Variants in VSTM4 observed in about 807,000 individuals in gnomAD.
The protein encoded by VSTM4 is V-set and transmembrane domain-containing protein 4.
In VSTM4, 20 loss-of-function variants were observed where a neutral mutation model predicts 36.4. The ratio of observed to expected loss-of-function variants is 0.55; its 90% CI spans 0.39 to 0.80. VSTM4 has a LOEUF of 0.80. Among genes scored for constraint, VSTM4 ranks in the 30% least tolerant of loss-of-function variants. VSTM4 has a pLI of 0.00. For missense variants in VSTM4, 392 were observed against 404.5 expected, an observed-to-expected ratio of 0.97 and a Z score of 0.26; for synonymous variants, 182 against 173.9, an observed-to-expected ratio of 1.05 and a Z score of -0.37.
chr10:49,032,960 G>A (rs533143572), intron 7 of VSTM4, among the ~76,000 whole-genome samples: 67 of 149,388 alleles, frequency 4.5e-4, no homozygotes, highest in African/African-American at 1.6e-3. Context: ...TTTGGTGGGA[G>A]AATAAAATAG....
chr10:49,089,898 C>T (rs889446134), intron 2 of VSTM4, among the ~76,000 whole-genome samples: 2 of 152,244 alleles, frequency 1.3e-5, no homozygotes, highest in African/African-American at 2.4e-5. Context: ...GCCAGGCCAA[C>T]AGCAAGGGCT....
intron 6 of VSTM4, among the ~76,000 whole-genome samples, chr10:49,048,267 C>T (rs1843644162): frequency 6.6e-6 from 1 of 152,230 alleles, no homozygotes; most frequent in Non-Finnish European, 1.5e-5. Context: ...TCCAACTCCA[C>T]CCCCAACCCA....
At chr10:49,081,466 C>T (rs999830002) in intron 3 of VSTM4, among the ~76,000 whole-genome samples, 2 of 152,238 alleles carry the variant, frequency 1.3e-5, no homozygotes, top group African/African-American at 4.8e-5. Flanking sequence ...CGCTTCAGAA[C>T]AGCAGGAACC....
At chr10:49,051,713 T>C (rs1358554800) in intron 5 of VSTM4, among the ~76,000 whole-genome samples, 1 of 152,204 alleles carries the variant, frequency 6.6e-6, no homozygotes, top group Non-Finnish European at 1.5e-5. Flanking sequence ...TCATTTCTTT[T>C]GGGCACTGAG....
At chr10:49,031,996 T>C (rs1484812495) in intron 7 of VSTM4, among the ~76,000 whole-genome samples, 1 of 152,022 alleles carries the variant, frequency 6.6e-6, no homozygotes, top group Admixed American at 6.5e-5. Flanking sequence ...ATTCCCTCAC[T>C]CTCAGGTCTC....
Position 49,033,117 on chromosome 10 carries a change from C to T in VSTM4, c.838-13342G>A, listed in dbSNP as rs75216108. 5.6e-3 allele frequency among the ~76,000 whole-genome samples: 851 copies of T among 152,138 alleles called. 5 individuals carry two copies. Among genetic ancestry groups the T allele is most frequent in the Non-Finnish European group, 8.5e-3 (580 of 68,002 alleles). On this transcript the variant is annotated intron_variant, in intron 7 of 7. Transcript: ENST00000332853. ...GTGAAAGGATGTTTACCAAAGCATC[C>T]ATTCTAAGAGTGAAAAATTAGAACA...
intron 6 of VSTM4, among the ~76,000 whole-genome samples, chr10:49,047,703 A>G (rs1843634836): frequency 6.6e-6 from 1 of 151,972 alleles, no homozygotes; most frequent in Admixed American, 6.5e-5. Flanking sequence ...CTGCAGTACA[A>G]CCACACCCTC....
At chr10:49,020,672 T>G (rs919443926) in intron 7 of VSTM4, among the ~76,000 whole-genome samples, 21 of 134,902 alleles carry the variant, frequency 1.6e-4, no homozygotes, top group African/African-American at 5.9e-4. Flanking sequence ...GAAATCTGAA[T>G]GTACCATCAA....
rs1590106598 is a variant in VSTM4, at chr10:49,072,129, C to T, written c.634+5090G>A. 2.0e-5 allele frequency among the ~76,000 whole-genome samples: 3 copies of T among 152,332 alleles called. No homozygotes were observed. The Middle Eastern group carries it at 0.01, about 518-fold the overall frequency. ...ACACACATGGCTTGGTCTACAAATG[C>T]TTGATTGCTTCCAATGAGAGCCATG... On this transcript the variant is annotated intron_variant, in intron 4 of 7. Transcript: ENST00000332853.
chr10:49,024,489 T>C (rs751827885), intron 7 of VSTM4, among the ~76,000 whole-genome samples: 27 of 152,200 alleles, frequency 1.8e-4, no homozygotes, highest in Admixed American at 5.2e-4. Flanking sequence ...GCTGAGGCTA[T>C]CGTCCTGGGG....
At position 49,064,746 on chromosome 10, in the gene VSTM4, G is replaced by GA; in HGVS notation, c.635-11dup. On this transcript the variant is annotated splice_polypyrimidine_tract_variant and intron_variant, in intron 4 of 7. Transcript: ENST00000332853. The stretch of plus-strand genomic sequence containing the variant: ...ACCAAATAATGTCTCACTGTGAAAG[G>GA]AAAAATAATAGAAGATGGTAAACCA... 6.2e-7 allele frequency: 1 copy of GA among 1,611,328 alleles called. No individual in the cohort carries two copies. Among genetic ancestry groups the GA allele is most frequent in the Non-Finnish European group, 8.5e-7 (1 of 1,178,852 alleles).
chr10:49,046,927 T>C, intron 7 of VSTM4, 56 bp downstream of exon 7: 1 of 1,548,558 alleles, frequency 6.5e-7, no homozygotes, highest in Non-Finnish European at 8.9e-7. Flanking sequence ...TGTTTTGGAA[T>C]CTGAGTTGTG....
At chr10:49,068,687 T>C (rs988859886) in intron 4 of VSTM4, among the ~76,000 whole-genome samples, 1 of 152,136 alleles carries the variant, frequency 6.6e-6, no homozygotes, top group African/African-American at 2.4e-5. Context: ...CCAACCCAGA[T>C]TAGCCTCCCC....
chr10:49,050,549 G>A (rs1260643252), intron 5 of VSTM4, among the ~76,000 whole-genome samples: 1 of 152,164 alleles, frequency 6.6e-6, no homozygotes, highest in Non-Finnish European at 1.5e-5. Context: ...TGGGAACGGA[G>A]ATTCTAACTG....
intron 6 of VSTM4, among the ~76,000 whole-genome samples, chr10:49,047,505 T>C (rs982565587): frequency 6.6e-6 from 1 of 152,184 alleles, no homozygotes; most frequent in Non-Finnish European, 1.5e-5. Context: ...ATGTCACTAA[T>C]CTTGAACCAT....
Position 49,015,310 on chromosome 10 carries a change from A to G in VSTM4, c.*4340T>C. The stretch of plus-strand genomic sequence containing the variant: ...CTAATTTTTTGTATTTTTAGTAGAG[A>G]CAGGGTTTCACCGTGTTAGCCAGGA... On this transcript the variant is annotated 3_prime_UTR_variant, in exon 8 of 8. Transcript: ENST00000332853. 1 of 151,996 alleles carries G rather than the reference A, an allele frequency of 6.6e-6. No individual in the cohort carries two copies. The highest frequency in any genetic ancestry group is 1.5e-5 in the Non-Finnish European group (1 of 68,004). 9.4% of individuals were successfully genotyped at this position (151,996 alleles called of 1,614,324 possible). A position where few individuals can be genotyped will look rare whatever the true frequency, so the allele number is the denominator to read the frequency against.
chr10:49,036,575 T>C (rs1843434798), intron 7 of VSTM4, among the ~76,000 whole-genome samples: 1 of 152,226 alleles, frequency 6.6e-6, no homozygotes, highest in Admixed American at 6.5e-5. Flanking sequence ...GAAATGCATG[T>C]CCTCTGGAAA....
chr10:49,094,569 G>A (rs1477232886), intron 2 of VSTM4, among the ~76,000 whole-genome samples: 1 of 152,178 alleles, frequency 6.6e-6, no homozygotes, highest in Non-Finnish European at 1.5e-5. Flanking sequence ...ATGTAAAGGG[G>A]CTGGAAGAGG....
At chr10:49,100,987 T>C (rs1844655514) in intron 2 of VSTM4, among the ~76,000 whole-genome samples, 1 of 151,936 alleles carries the variant, frequency 6.6e-6, no homozygotes, top group African/African-American at 2.4e-5. Flanking sequence ...AAAGAAAAAA[T>C]AAATTAGCTA....
Sources: gnomAD v4.1 joint callset for allele counts (sites outside exome capture counted in the v4.1 genomes callset) on GRCh38, gnomAD v4.1.1 for gene constraint, MANE v1.5 for transcripts, NCBI Gene and HGNC (gene_info 2026-07-23, HGNC 2026-07-21) for gene names.